Variants in PCDHA8 observed in about 807,000 individuals in gnomAD.
PCDHA8 encodes protocadherin alpha 8.
PCDHA8 carries 53 observed loss-of-function variants against 61.8 expected under a neutral mutation model. The observed-to-expected ratio is 0.86, with a 90% confidence interval of 0.69 to 1.08. The LOEUF (loss-of-function observed/expected upper bound fraction) is 1.08, where lower values mean the gene tolerates loss of function less well. Ranked by LOEUF, PCDHA8 falls within the 50% of genes least tolerant of loss-of-function variation. PCDHA8 has a pLI of 0.00. For synonymous variants in PCDHA8, 618 were observed against 556.6 expected (o/e 1.11, Z -1.55); for missense variants, 1,293 against 1,245.0 (o/e 1.04, Z -0.58).
intron 1 of PCDHA8, among the ~76,000 whole-genome samples, chr5:140,921,678 A>C (rs2080326339): frequency 6.6e-6 from 1 of 152,222 alleles, no homozygotes; most frequent in South Asian, 2.1e-4. Context: ...AGTTATCATC[A>C]AACACTGGCC....
intron 1 of PCDHA8, among the ~76,000 whole-genome samples, chr5:140,939,071 G>C (rs1376380334): frequency 2.0e-5 from 3 of 152,140 alleles, no homozygotes; most frequent in African/African-American, 7.2e-5. Context: ...TATCAAAATA[G>C]CATAAACTGG....
intron 1 of PCDHA8, among the ~76,000 whole-genome samples, chr5:140,895,900 G>A (rs540029399): frequency 1.3e-3 from 196 of 152,038 alleles, no homozygotes; most frequent in African/African-American, 4.6e-3. Context: ...CAACCTCCGC[G>A]TCCCGGGCTC....
chr5:140,884,450 AC>A, intron 1 of PCDHA8: 1 of 1,613,762 alleles, frequency 6.2e-7, no homozygotes, highest in Non-Finnish European at 8.5e-7. Context: ...GGCACCGCCC[AC>A]CGAGGGCGCG....
intron 3 of PCDHA8, among the ~76,000 whole-genome samples, chr5:140,991,069 G>T (rs1156985445): frequency 6.6e-6 from 1 of 152,136 alleles, no homozygotes; most frequent in Non-Finnish European, 1.5e-5. Flanking sequence ...TTATTCCCAT[G>T]TTTCAGATAA....
intron 1 of PCDHA8, among the ~76,000 whole-genome samples, chr5:140,935,834 C>G (rs1037488504): frequency 1.3e-5 from 2 of 151,624 alleles, no homozygotes; most frequent in African/African-American, 2.4e-5. Flanking sequence ...ACACATATTC[C>G]ATACTGCTTA....
At position 140,842,972 on chromosome 5, in the gene PCDHA8, C is replaced by G; in HGVS notation, c.1651C>G (p.Leu551Val). 1.9e-6 allele frequency: 3 copies of G among 1,595,038 alleles called. 1 individual carries two copies. The highest frequency in any genetic ancestry group is 2.6e-6 in the Non-Finnish European group (3 of 1,165,520). Residue 551 changes from leucine to valine, a missense_variant, in exon 1 of 4, where the codon CTG becomes GTG. Leu to Val is a conservative substitution (Grantham distance 32). Transcript: ENST00000531613. ...GVPPLGSNVTLQVFVLDENDN... is the reference protein window; with the variant it reads ...GVPPLGSNVTVQVFVLDENDN... The stretch of plus-strand genomic sequence containing the variant: ...GCCGCCTCTGGGCAGCAACGTGACG[C>G]TGCAGGTGTTCGTGCTGGACGAGAA...
At chr5:140,862,992 C>A (rs781974665) in intron 1 of PCDHA8, 3 of 548,132 alleles carry the variant, frequency 5.5e-6, no homozygotes, top group Admixed American at 1.9e-5. Flanking sequence ...AAGGTGCGCA[C>A]GGTGGACTCC....
At chr5:140,848,275 T>G in intron 1 of PCDHA8, 2 of 545,056 alleles carry the variant, frequency 3.7e-6, no homozygotes, top group Non-Finnish European at 3.2e-6. Flanking sequence ...TCATGAAATA[T>G]GTACTTACAC....
chr5:140,850,511 C>T (rs2150486900), intron 1 of PCDHA8: 2 of 1,598,036 alleles, frequency 1.3e-6, no homozygotes, highest in East Asian at 2.2e-5. Context: ...TGGTGGAGAG[C>T]GGCCAGGCGC....
chr5:140,943,257 C>CAAAAA (rs1238620023), intron 1 of PCDHA8, among the ~76,000 whole-genome samples: 3 of 77,348 alleles, frequency 3.9e-5, no homozygotes, highest in Non-Finnish European at 5.0e-5. Context: ...GACTCTGTCT[C>CAAAAA]AAAAAAAAAA....
At chr5:140,901,644 G>A (rs1223864756) in intron 1 of PCDHA8, among the ~76,000 whole-genome samples, 1 of 152,024 alleles carries the variant, frequency 6.6e-6, no homozygotes, top group Non-Finnish European at 1.5e-5. Context: ...GATTCTTCCG[G>A]TTTTGTTCTT....
In PCDHA8 at chr5:140,862,844, C is replaced by T. The variant is rs782433146; in HGVS notation, c.2394+19129C>T. 8 of 571,262 alleles carry T rather than the reference C, an allele frequency of 1.4e-5. No homozygotes were observed. In the East Asian group the frequency reaches 3.8e-4, roughly 27 times the overall value. The allele number at this position is 571,262 out of a possible 1,614,324, so 35.4% of individuals were successfully genotyped here. ...AGAGCGCGCGACGCGGGCATGCCGC[C>T]TCTGAGCAGCAATGTGACGCTGCCA... is the stretch of plus-strand genomic sequence containing the variant. On this transcript the variant is annotated intron_variant, in intron 1 of 3. Coordinates refer to ENST00000531613, the MANE Select transcript of PCDHA8 (RefSeq NM_018911.3).
At chr5:140,850,545 G>C in intron 1 of PCDHA8, 1 of 1,598,382 alleles carries the variant, frequency 6.3e-7, no homozygotes, top group South Asian at 1.1e-5. Context: ...GCGGGCGTCA[G>C]TGGGTGCCAC....
intron 1 of PCDHA8, among the ~76,000 whole-genome samples, chr5:140,891,735 A>G (rs1200695234): frequency 2.6e-5 from 4 of 152,172 alleles, no homozygotes; most frequent in African/African-American, 9.7e-5. Context: ...TGAAAATTCA[A>G]TCCCTTATAC....
At chr5:140,869,377 C>A (rs1055077118) in intron 1 of PCDHA8, 2 of 1,614,110 alleles carry the variant, frequency 1.2e-6, no homozygotes, top group Non-Finnish European at 8.5e-7. Context: ...TCGGATCGAC[C>A]GCGAGGAGCT....
chr5:140,946,916 T>C (rs1554217963), intron 1 of PCDHA8, among the ~76,000 whole-genome samples: 4 of 151,468 alleles, frequency 2.6e-5, no homozygotes, highest in Non-Finnish European at 5.9e-5. Context: ...GTTCTGGTGT[T>C]TTATTGAACA....
intron 2 of PCDHA8, among the ~76,000 whole-genome samples, chr5:140,980,777 A>C (rs2096905451): frequency 6.6e-6 from 1 of 152,244 alleles, no homozygotes; most frequent in Non-Finnish European, 1.5e-5. Flanking sequence ...ATTGAAATTA[A>C]AATGCCATTT....
At chr5:140,874,887 T>G (rs1315281628) in intron 1 of PCDHA8, among the ~76,000 whole-genome samples, 2 of 152,350 alleles carry the variant, frequency 1.3e-5, no homozygotes, top group East Asian at 3.9e-4. Context: ...AATTCCTAAC[T>G]TTCTCTAAAA....
At chr5:140,869,022 C>G in intron 1 of PCDHA8, 1 of 1,525,610 alleles carries the variant, frequency 6.6e-7, no homozygotes, top group African/African-American at 1.4e-5. Flanking sequence ...CTTAAGAATT[C>G]AACGAGATTT....
Sources: allele counts gnomAD v4.1 joint callset (sites outside exome capture counted in the v4.1 genomes callset), GRCh38; gene constraint gnomAD v4.1.1; transcripts MANE v1.5; gene names NCBI Gene and HGNC (gene_info 2026-07-23, HGNC 2026-07-21).